Variants in HGD observed in about 807,000 individuals in gnomAD.
HGD encodes the protein homogentisate oxidase.
In HGD, 61 loss-of-function variants were observed where a neutral mutation model predicts 60.8. The observed-to-expected ratio is 1.00, with a 90% CI of 0.82 to 1.24. The LOEUF (loss-of-function observed/expected upper bound fraction) is 1.24. Ranked by LOEUF, HGD falls within the 50% of genes most tolerant of loss-of-function variation. The probability of loss-of-function intolerance (pLI) is 0.00; values close to 1 mark genes in which losing one functional copy is unlikely to be tolerated. For synonymous variants in HGD, 212 were observed against 187.7 expected (o/e 1.13, Z -1.06); for missense variants, 542 against 547.1 (o/e 0.99, Z 0.09).
At chr3:120,654,995 T>C (rs1001950807) in intron 4 of HGD, among the ~76,000 whole-genome samples, 9 of 152,134 alleles carry the variant, frequency 5.9e-5, no homozygotes, top group African/African-American at 2.2e-4. Context: ...CTTCTGAACC[T>C]GGGAGGTGGA....
At chr3:120,646,392 T>C in intron 8 of HGD, 26 bp from the exon 9 acceptor site, 1 of 1,435,118 alleles carries the variant, frequency 7.0e-7, no homozygotes, top group Non-Finnish European at 9.8e-7. Context: ...GACACTGGTG[T>C]GCCCTCTGAA....
chr3:120,652,637 T>C lies in HGD; in HGVS notation c.297A>G (p.Pro99=). 3 of 1,613,180 alleles carry C rather than the reference T, an allele frequency of 1.9e-6. No individual in the cohort carries two copies. The highest frequency in any genetic ancestry group is 2.5e-6 in the Non-Finnish European group (3 of 1,179,308). ...DPDPNQLRWK[P]FEIPKASQKK... ...TCTGAGATGCTTTTGGAATCTCAAA[T>C]GGTTTCCATCTAAGCTGGAAAAAAA... The change falls in exon 5 of 14, where the codon CCA becomes CCG. Residue 99 remains proline (P), a synonymous_variant. Transcript: ENST00000283871.
At chr3:120,648,533 T>C (rs1225617878) in intron 6 of HGD, among the ~76,000 whole-genome samples, 2 of 152,162 alleles carry the variant, frequency 1.3e-5, no homozygotes, top group Non-Finnish European at 2.9e-5. Context: ...GTTCCAGAGG[T>C]AGTGTATAAT....
At chr3:120,634,313 C>A (rs1940689530) in intron 12 of HGD, among the ~76,000 whole-genome samples, 1 of 152,220 alleles carries the variant, frequency 6.6e-6, no homozygotes. Flanking sequence ...CATGCTTCCA[C>A]TCTTCCAATC....
intron 3 of HGD, chr3:120,674,550 T>TAAAACAAAAC (rs75770716): frequency 0.048 from 13,520 of 283,012 alleles, 1,522 homozygotes; most frequent in African/African-American, 0.26. Flanking sequence ...TTAGTCATTA[T>TAAAACAAAAC]AAAACAAAAC....
chr3:120,641,708 C>A lies in HGD; in HGVS notation c.775-15G>T, dbSNP rs202029060. ...GGGGAGACATCCTAAACACAAAAAG[C>A]AGGAAAGGATAATTTTACCATCTAA... On this transcript the variant is annotated splice_polypyrimidine_tract_variant and intron_variant, in intron 10 of 13. Coordinates refer to ENST00000283871, the MANE Select transcript of HGD (RefSeq NM_000187.4). 94 of 1,560,574 alleles carry A rather than the reference C, an allele frequency of 6.0e-5. No individual in the cohort carries two copies. In the African/African-American group the frequency reaches 1.2e-3, roughly 20 times the overall value.
chr3:120,636,690 A>G (rs2107495428), intron 12 of HGD, among the ~76,000 whole-genome samples: 1 of 152,200 alleles, frequency 6.6e-6, no homozygotes, highest in Middle Eastern at 3.4e-3. Context: ...ATGGTAACTG[A>G]TTGTTTTCTT....
Position 120,633,146 on chromosome 3 carries a change from C to A in HGD, c.1188+1G>T, listed in dbSNP as rs760206323. 9 of 1,614,042 alleles carry A rather than the reference C, an allele frequency of 5.6e-6. No homozygotes were observed. The highest frequency in any genetic ancestry group is 6.8e-6 in the Non-Finnish European group (8 of 1,179,936). On this transcript the variant is annotated splice_donor_variant, in intron 13 of 13. Coordinates refer to ENST00000283871, the MANE Select transcript of HGD (RefSeq NM_000187.4). LOFTEE classifies it high-confidence loss of function. ...TGGAATGTGGCAGTTAACATACTTA[C>A]CATGGTGCCATCGGCAATCCTCTCA...
chr3:120,656,703 C>T (rs1039098506), intron 4 of HGD, among the ~76,000 whole-genome samples: 2 of 152,022 alleles, frequency 1.3e-5, no homozygotes, highest in African/African-American at 4.8e-5. Context: ...AGGTGCATGC[C>T]CCCATGCCCG....
At chr3:120,665,834 T>A (rs893874505) in intron 4 of HGD, among the ~76,000 whole-genome samples, 12 of 152,134 alleles carry the variant, frequency 7.9e-5, no homozygotes, top group African/African-American at 2.9e-4. Context: ...TGATGAAGTA[T>A]TGGATTTGGT....
At chr3:120,630,798 T>TATATATATATATATATATATATA (rs1940559920) in intron 13 of HGD, among the ~76,000 whole-genome samples, 1 of 88,028 alleles carries the variant, frequency 1.1e-5, no homozygotes, top group Non-Finnish European at 2.1e-5. Context: ...CTTAAGAGCT[T>TATATATATATATATATATATATA]TATATATATA....
At chr3:120,665,599 G>C (rs142455046) in intron 4 of HGD, among the ~76,000 whole-genome samples, 3,437 of 152,302 alleles carry the variant, frequency 0.023, 46 homozygotes, top group Middle Eastern at 0.071. Flanking sequence ...CACTCAAAAA[G>C]AGGTTGCATT....
At chr3:120,670,579 T>C in intron 3 of HGD, 47 bp from the exon 4 acceptor site, 13 of 1,073,124 alleles carry the variant, frequency 1.2e-5, no homozygotes, top group Non-Finnish European at 1.9e-5. Context: ...AGTAATGTTC[T>C]GAGTGATACA....
At chr3:120,661,909 A>G (rs1419981836) in intron 4 of HGD, among the ~76,000 whole-genome samples, 1 of 152,262 alleles carries the variant, frequency 6.6e-6, no homozygotes, top group African/African-American at 2.4e-5. Flanking sequence ...CATGTACTGG[A>G]TACTGCAGAT....
intron 13 of HGD, among the ~76,000 whole-genome samples, chr3:120,630,827 C>T (rs74893539): frequency 0.016 from 898 of 54,532 alleles, 5 homozygotes; most frequent in African/African-American, 0.021. Flanking sequence ...TATATATATA[C>T]ACATACACAC....
intron 11 of HGD, among the ~76,000 whole-genome samples, chr3:120,639,744 G>C (rs888568604): frequency 6.6e-6 from 1 of 152,184 alleles, no homozygotes; most frequent in Non-Finnish European, 1.5e-5. Context: ...AGAAAAGTCT[G>C]AGAAGTGGTT....
chr3:120,647,063 A>C lies in HGD; in HGVS notation c.470-11T>G, dbSNP rs762632746. On this transcript the variant is annotated splice_polypyrimidine_tract_variant and intron_variant, in intron 7 of 13. Transcript: ENST00000283871. ...TCCCTTTCTGCGGAACTGACAAAAAAAGACAGGGCAGTGGTGAGCAATTCT... is the reference window on the plus strand; with the variant it reads ...TCCCTTTCTGCGGAACTGACAAAAACAGACAGGGCAGTGGTGAGCAATTCT... 5 of 1,610,482 alleles carry C rather than the reference A, an allele frequency of 3.1e-6. No individual in the cohort carries two copies. The South Asian group carries it at 4.4e-5, about 14-fold the overall frequency.
intron 12 of HGD, among the ~76,000 whole-genome samples, chr3:120,638,241 T>C (rs1024734620): frequency 1.3e-5 from 2 of 152,178 alleles, no homozygotes; most frequent in Non-Finnish European, 2.9e-5. Context: ...GCCTCAGGTA[T>C]TCCTTTATAG....
At position 120,628,392 on chromosome 3, in the gene HGD, T is replaced by G. The variant is rs1208690179; in HGVS notation, c.1326A>C (p.Ala442=). ...CAATGTTCCAGTCTCAATTAGGTTCTGCTGGGTTCCTGGAGTTGGGAGTGA... is the reference window on the plus strand; with the variant it reads ...CAATGTTCCAGTCTCAATTAGGTTCGGCTGGGTTCCTGGAGTTGGGAGTGA... The part of the protein sequence containing the change: ...SHFTPNSRNP[A]EPN The change falls in exon 14 of 14, where the codon GCA becomes GCC. Residue 442 remains alanine, a synonymous_variant. Transcript: ENST00000283871. The G allele has an allele frequency of 2.5e-6, 4 of 1,614,036 alleles. No individual in the cohort carries two copies. Among genetic ancestry groups the G allele is most frequent in the Admixed American group, 1.7e-5 (1 of 60,020 alleles).
Sources: gnomAD v4.1 joint callset for allele counts (sites outside exome capture counted in the v4.1 genomes callset) on GRCh38, gnomAD v4.1.1 for gene constraint, MANE v1.5 for transcripts, NCBI Gene and HGNC (gene_info 2026-07-23, HGNC 2026-07-21) for gene names.